MDFIC: variants seen among roughly 807,000 people sequenced by gnomAD.
The protein encoded by MDFIC is myoD family inhibitor domain-containing protein.
Under a neutral mutation model 23.2 loss-of-function variants are expected in MDFIC, and 17 were observed. The observed-to-expected ratio is 0.73, with a 90% CI of 0.50 to 1.10. The LOEUF (loss-of-function observed/expected upper bound fraction) is 1.10. Among genes scored for constraint, MDFIC ranks in the 50% least tolerant of loss-of-function variants. The pLI, the probability that MDFIC is intolerant of heterozygous loss-of-function variation, is 0.00. For synonymous variants in MDFIC, 120 were observed against 115.2 expected, an observed-to-expected ratio of 1.04 and a Z score of -0.27; for missense variants, 356 against 316.6, an observed-to-expected ratio of 1.12 and a Z score of -0.95.
intron 3 of MDFIC, among the ~76,000 whole-genome samples, chr7:114,973,016 T>C (rs1476667910): frequency 6.6e-6 from 1 of 151,988 alleles, no homozygotes; most frequent in Non-Finnish European, 1.5e-5. Context: ...TTTTAGCCGA[T>C]CATCATTTAA....
intron 3 of MDFIC, among the ~76,000 whole-genome samples, chr7:114,973,375 TG>T (rs1264128482): frequency 6.6e-6 from 1 of 152,110 alleles, no homozygotes; most frequent in African/African-American, 2.4e-5. Flanking sequence ...TGGTCAAAAC[TG>T]GTTTGCTGCC....
chr7:114,931,123 A>T (rs1191446889), intron 2 of MDFIC, among the ~76,000 whole-genome samples: 1 of 152,146 alleles, frequency 6.6e-6, no homozygotes, highest in East Asian at 1.9e-4. Flanking sequence ...AGTTACTTAA[A>T]CTTTTAATAT....
chr7:114,978,019 T>G (rs1487511814), intron 3 of MDFIC, among the ~76,000 whole-genome samples: 1 of 148,572 alleles, frequency 6.7e-6, no homozygotes, highest in Admixed American at 6.8e-5. Flanking sequence ...TATTATTATA[T>G]TAATTGGTAT....
At chr7:114,996,799 C>T (rs1394626089) in intron 4 of MDFIC, among the ~76,000 whole-genome samples, 2 of 152,108 alleles carry the variant, frequency 1.3e-5, no homozygotes, top group Non-Finnish European at 2.9e-5. Context: ...CTATATGATT[C>T]TAATTTGAAT....
At chr7:114,979,848 G>A (rs1210935795) in intron 4 of MDFIC, 67 bp downstream of exon 4, 2 of 1,528,018 alleles carry the variant, frequency 1.3e-6, no homozygotes, top group Admixed American at 3.5e-5. Flanking sequence ...GTAATTATTT[G>A]ATCAAGCATA....
chr7:114,929,107 T>TATCTATCTATCTATCTATC (rs1563134669), intron 2 of MDFIC, among the ~76,000 whole-genome samples: 7 of 151,084 alleles, frequency 4.6e-5, no homozygotes, highest in Non-Finnish European at 8.9e-5. Flanking sequence ...ATCTATCATC[T>TATCTATCTATCTATCTATC]ATCTATCTAT....
At chr7:114,955,244 A>T (rs184249689) in intron 3 of MDFIC, among the ~76,000 whole-genome samples, 1 of 152,334 alleles carries the variant, frequency 6.6e-6, no homozygotes, top group East Asian at 1.9e-4. Context: ...TTGATTTTAA[A>T]AATTGAAATA....
At chr7:114,940,016 T>G (rs78869609) in intron 2 of MDFIC, among the ~76,000 whole-genome samples, 2,640 of 152,232 alleles carry the variant, frequency 0.017, 121 homozygotes, top group East Asian at 0.17. Context: ...CAGAATGACC[T>G]TGAGTTGACT....
At chr7:114,938,716 A>C (rs556330924) in intron 2 of MDFIC, among the ~76,000 whole-genome samples, 19 of 152,294 alleles carry the variant, frequency 1.2e-4, no homozygotes, top group Admixed American at 3.9e-4. Flanking sequence ...TGGACATGTA[A>C]ATAGAAATCT....
At chr7:114,981,654 T>G (rs948356005) in intron 4 of MDFIC, among the ~76,000 whole-genome samples, 17 of 152,246 alleles carry the variant, frequency 1.1e-4, no homozygotes, top group African/African-American at 4.1e-4. Flanking sequence ...AATACAAATT[T>G]AAATGTATAA....
At chr7:114,923,772 C>G (rs1336258070) in intron 2 of MDFIC, 1 of 750,208 alleles carries the variant, frequency 1.3e-6, no homozygotes, top group Non-Finnish European at 1.9e-6. Context: ...ACGAGTTGAA[C>G]CTTTCTTCTC....
intron 3 of MDFIC, among the ~76,000 whole-genome samples, chr7:114,945,893 A>G (rs1792634290): frequency 6.6e-6 from 1 of 152,190 alleles, no homozygotes; most frequent in African/African-American, 2.4e-5. Flanking sequence ...AATTTGGTGT[A>G]TAATTTAATT....
At chr7:114,984,735 T>C (rs1040461270) in intron 4 of MDFIC, among the ~76,000 whole-genome samples, 3 of 152,130 alleles carry the variant, frequency 2.0e-5, no homozygotes, top group Non-Finnish European at 4.4e-5. Flanking sequence ...TTGCCAAGGG[T>C]TTTCATTAGA....
chr7:114,997,779 AAAAG>A (rs1791367728), intron 4 of MDFIC, among the ~76,000 whole-genome samples: 2 of 151,404 alleles, frequency 1.3e-5, no homozygotes, highest in Admixed American at 1.3e-4. Context: ...AAAAGAAAAG[AAAAG>A]AAAGAAAAAG....
chr7:114,950,496 A>G (rs1347482258), intron 3 of MDFIC, among the ~76,000 whole-genome samples: 1 of 152,236 alleles, frequency 6.6e-6, no homozygotes, highest in Non-Finnish European at 1.5e-5. Flanking sequence ...ATCATAAATA[A>G]GTAAAAACAT....
At position 115,016,996 on chromosome 7, in the gene MDFIC, T is replaced by C. The variant is rs1791809935; in HGVS notation, c.*1061T>C. 6.6e-6 allele frequency: 1 copy of C among 152,204 alleles called. No homozygotes were observed. The highest frequency in any genetic ancestry group is 6.5e-5 in the Admixed American group (1 of 15,284). 9.4% of individuals were successfully genotyped at this position (152,204 alleles called of 1,614,324 possible). A position where few individuals can be genotyped will look rare whatever the true frequency, so the allele number is the denominator to read the frequency against. On this transcript the variant is annotated 3_prime_UTR_variant, in exon 5 of 5. Transcript: ENST00000393486. ...TATGCAGAGAATTGCTACCAGAATA[T>C]TCAGTAAGGTTTCAGGGAGAATGTG...
At chr7:114,931,529 T>C (rs1173787592) in intron 2 of MDFIC, among the ~76,000 whole-genome samples, 1 of 152,228 alleles carries the variant, frequency 6.6e-6, no homozygotes, top group Non-Finnish European at 1.5e-5. Context: ...TAAGAATGTA[T>C]AGTTTTGCCC....
intron 4 of MDFIC, among the ~76,000 whole-genome samples, chr7:115,007,481 T>G (rs1791591632): frequency 6.6e-6 from 1 of 151,680 alleles, no homozygotes; most frequent in Admixed American, 6.6e-5. Context: ...TTCCCTCCTT[T>G]CTGCCCAAAA....
chr7:114,935,626 A>G (rs1399839425), intron 2 of MDFIC, among the ~76,000 whole-genome samples: 2 of 152,066 alleles, frequency 1.3e-5, no homozygotes, highest in Non-Finnish European at 2.9e-5. Flanking sequence ...AAGGATTAAA[A>G]CAGAATAATG....
Sources: allele counts gnomAD v4.1 joint callset (sites outside exome capture counted in the v4.1 genomes callset), GRCh38; gene constraint gnomAD v4.1.1; transcripts MANE v1.5; gene names NCBI Gene and HGNC (gene_info 2026-07-23, HGNC 2026-07-21).